The following TRAPPC10 variants were observed in gnomAD, a reference collection of about 807,000 sequenced individuals.
TRAPPC10 encodes the protein trafficking protein particle complex subunit 10, also known as TRAPP 130 kDa subunit.
In TRAPPC10, 23 loss-of-function variants were observed where a neutral mutation model predicts 125.5. That is an observed-to-expected ratio of 0.18 (90% CI 0.13 to 0.26). The LOEUF (loss-of-function observed/expected upper bound fraction) is 0.26, where lower values mean the gene tolerates loss of function less well. TRAPPC10 is among the 10% of genes least tolerant of loss of function. The pLI is 1.00. For synonymous variants in TRAPPC10, 509 were observed against 518.0 expected (o/e 0.98, Z 0.24); for missense variants, 1,123 against 1,308.4 (o/e 0.86, Z 2.19).
chr21:44,087,664 A>G lies in TRAPPC10; in HGVS notation c.2540-35A>G. 6.3e-7 allele frequency: 1 copy of G among 1,586,076 alleles called. No homozygotes were observed. The highest frequency in any genetic ancestry group is 8.6e-7 in the Non-Finnish European group (1 of 1,160,672). On this transcript the variant is annotated intron_variant, in intron 16 of 22. Transcript: ENST00000291574. This position sits in a 1 kb window ranked among gnomAD's most constrained non-coding sequence, Gnocchi z 4.6. ...GGAAAAGGACAAGTGAAACCGAGGG[A>G]ACAGCTTTGAAGTGACTTTTTCTGT...
rs554285127 is a variant in TRAPPC10, at chr21:44,029,345, C to T, written c.68-2746C>T. Among the ~76,000 whole-genome samples the T allele has an allele frequency of 7.2e-5, 11 of 152,208 alleles. 1 individual carries two copies. Among genetic ancestry groups the T allele is most frequent in the South Asian group, 2.1e-4 (1 of 4,830 alleles). ...ACTTGACCTTGTGATCCACCCACCT[C>T]GGCCTCCCAATCTGCTGGGATTACA... On this transcript the variant is annotated intron_variant, in intron 1 of 22. Coordinates refer to ENST00000291574, the MANE Select transcript of TRAPPC10 (RefSeq NM_003274.5).
At chr21:44,065,844 T>C (rs1477836805) in intron 7 of TRAPPC10, among the ~76,000 whole-genome samples, 1 of 152,218 alleles carries the variant, frequency 6.6e-6, no homozygotes, top group Non-Finnish European at 1.5e-5. Context: ...GAAGTGTTTC[T>C]CTTTCTCTCC....
At chr21:44,035,647 C>T (rs1369620221) in intron 2 of TRAPPC10, among the ~76,000 whole-genome samples, 1 of 152,070 alleles carries the variant, frequency 6.6e-6, no homozygotes, top group South Asian at 2.1e-4. Flanking sequence ...CATGGTGGCA[C>T]ACGCCTGTAA....
chr21:44,083,214 G>A lies in TRAPPC10; in HGVS notation c.2150G>A (p.Gly717Glu), dbSNP rs748607445. The change falls in exon 14 of 23, where the codon GGG becomes GAG. Residue 717 changes from glycine to glutamate, a missense_variant. Gly to Glu is a moderately conservative substitution (Grantham distance 98). Around this residue, in one of 4 missense-constraint regions of TRAPPC10, gnomAD observed 840 missense variants for 902.0 expected, o/e 0.93. Coordinates refer to ENST00000291574, the MANE Select transcript of TRAPPC10 (RefSeq NM_003274.5). ...AGCTCCTCTCTAGAGATGCCCTCAG[G>A]GGTGGCTCTGGAGGAGGGTGCCCAC... ...ESSSSLEMPS[G>E]VALEEGAHVL... The A allele has an allele frequency of 6.2e-7, 1 of 1,614,124 alleles. No homozygotes were observed. The highest frequency in any genetic ancestry group is 1.1e-5 in the South Asian group (1 of 91,066).
rs2036192826 is a variant in TRAPPC10 at position 44,063,316 on chromosome 21, G to T, written c.791-222G>T. 8.6e-7 allele frequency: 1 copy of T among 1,168,806 alleles called. No homozygotes were observed. The highest frequency in any genetic ancestry group is 1.6e-5 in the African/African-American group (1 of 64,402). The allele number at this position is 1,168,806 out of a possible 1,614,324, so 72.4% of individuals were successfully genotyped here. A position where few individuals can be genotyped will look rare whatever the true frequency, so the allele number is the denominator to read the frequency against. On this transcript the variant is annotated intron_variant, in intron 6 of 22. Coordinates refer to ENST00000291574, the MANE Select transcript of TRAPPC10 (RefSeq NM_003274.5). This position sits in a 1 kb window ranked among gnomAD's most constrained non-coding sequence, Gnocchi z 4.4. ...TCAGCTCCCGCCCATGACTTTCTGG[G>T]CATGGTAGGGTGGTGTGCCTTGTTG...
At chr21:44,062,730 G>C in intron 6 of TRAPPC10, 3 of 985,422 alleles carry the variant, frequency 3.0e-6, no homozygotes, top group Non-Finnish European at 3.6e-6. Context: ...TGGGCTGGCA[G>C]GTCCACACCA....
Position 44,022,475 on chromosome 21 carries a change from T to A in TRAPPC10, c.68-9616T>A, listed in dbSNP as rs2032626360. On this transcript the variant is annotated intron_variant, in intron 1 of 22. Coordinates refer to ENST00000291574, the MANE Select transcript of TRAPPC10 (RefSeq NM_003274.5). The stretch of plus-strand genomic sequence containing the variant: ...ATTTTTTTTTTTTTTTTTTTTTTTT[T>A]ACAAAGACGGGGTTTGTTAGTAGAG... Among the ~76,000 whole-genome samples, 10 of 143,562 alleles carry A rather than the reference T, an allele frequency of 7.0e-5. No homozygotes were observed. The South Asian group carries it at 2.0e-3, about 29-fold the overall frequency. 94.2% of individuals were successfully genotyped at this position (143,562 alleles called of 152,430 possible).
At chr21:44,079,318 A>G (rs1429890858) in intron 11 of TRAPPC10, among the ~76,000 whole-genome samples, 3 of 152,146 alleles carry the variant, frequency 2.0e-5, no homozygotes, top group African/African-American at 7.2e-5. Context: ...AAGCCAGACC[A>G]ACGATGTGTT....
At chr21:44,066,320 G>T (rs2036448699) in intron 7 of TRAPPC10, among the ~76,000 whole-genome samples, 2 of 152,232 alleles carry the variant, frequency 1.3e-5, no homozygotes, top group African/African-American at 4.8e-5. Flanking sequence ...GGCTGAGGAG[G>T]GGAGCAAGAC....
chr21:44,084,575 A>G (rs950420097), intron 15 of TRAPPC10, among the ~76,000 whole-genome samples: 1 of 152,228 alleles, frequency 6.6e-6, no homozygotes, highest in South Asian at 2.1e-4. Flanking sequence ...ACTCAACCTA[A>G]TGGTCAATGC....
At chr21:44,035,408 C>G (rs185874451) in intron 2 of TRAPPC10, among the ~76,000 whole-genome samples, 225 of 152,210 alleles carry the variant, frequency 1.5e-3, no homozygotes, top group Non-Finnish European at 2.6e-3. Flanking sequence ...AGAAAACATA[C>G]CAAGACATGG....
At position 44,047,532 on chromosome 21, in the gene TRAPPC10, ATGTGTGTGTG is replaced by A. The variant is rs33940679; in HGVS notation, c.286-4723_286-4714del. ...TCTGTTGCACCCTCTCTGGGGGAGT[ATGTGTGTGTG>A]TGTGTGTGTGTGTGTGTGTGTGTGC... On this transcript the variant is annotated intron_variant, in intron 3 of 22. Transcript: ENST00000291574. Among the ~76,000 whole-genome samples, 442 of 142,924 alleles carry A rather than the reference ATGTGTGTGTG, an allele frequency of 3.1e-3. 4 individuals carry two copies. Among genetic ancestry groups the A allele is most frequent in the Admixed American group, 5.1e-3 (74 of 14,526 alleles). 93.8% of individuals were successfully genotyped at this position (142,924 alleles called of 152,430 possible). A position where few individuals can be genotyped will look rare whatever the true frequency, so the allele number is the denominator to read the frequency against.
At chr21:44,041,202 G>C (rs888396845) in intron 3 of TRAPPC10, among the ~76,000 whole-genome samples, 2 of 152,092 alleles carry the variant, frequency 1.3e-5, no homozygotes, top group African/African-American at 4.8e-5. Context: ...TGGTCTCTAA[G>C]GTTTGGTGGA....
intron 3 of TRAPPC10, among the ~76,000 whole-genome samples, chr21:44,044,137 G>C (rs1210543590): frequency 1.3e-5 from 2 of 152,208 alleles, no homozygotes; most frequent in Non-Finnish European, 2.9e-5. Flanking sequence ...TAATTCATTT[G>C]AGAAGAATTT....
chr21:44,093,274 C>T (rs992204913), intron 19 of TRAPPC10, among the ~76,000 whole-genome samples: 3 of 151,554 alleles, frequency 2.0e-5, no homozygotes, highest in Non-Finnish European at 4.4e-5. Flanking sequence ...GCCTGAGCAA[C>T]GTGGCAAACC....
rs760857888 is a variant in TRAPPC10 at position 44,037,781 on chromosome 21, A to T, written c.150-11A>T. 1.9e-6 allele frequency: 3 copies of T among 1,608,464 alleles called. No homozygotes were observed. Among genetic ancestry groups the T allele is most frequent in the African/African-American group, 1.3e-5 (1 of 74,528 alleles). ...GTTGTTTTCTCAGTGACTTCAAACAATTGTTTACAGGTCCTATGGCCGGGC... is the reference window on the plus strand; with the variant it reads ...GTTGTTTTCTCAGTGACTTCAAACATTTGTTTACAGGTCCTATGGCCGGGC... On this transcript the variant is annotated splice_polypyrimidine_tract_variant and intron_variant, in intron 2 of 22. Coordinates refer to ENST00000291574, the MANE Select transcript of TRAPPC10 (RefSeq NM_003274.5).
chr21:44,093,957 G>T (rs1037065033), intron 19 of TRAPPC10, 106 bp from the exon 20 acceptor site: 4 of 1,209,550 alleles, frequency 3.3e-6, no homozygotes, highest in Non-Finnish European at 4.6e-6. Context: ...GCCTGCCCAT[G>T]GTGTCTGCTC....
chr21:44,060,683 C>CT (rs1352446953), intron 6 of TRAPPC10, among the ~76,000 whole-genome samples: 3 of 151,872 alleles, frequency 2.0e-5, no homozygotes, highest in Admixed American at 6.6e-5. Context: ...CCACTGCAAC[C>CT]TCTGCCTCCA....
chr21:44,075,697 G>A (rs1008432029), intron 9 of TRAPPC10, among the ~76,000 whole-genome samples: 7 of 152,084 alleles, frequency 4.6e-5, no homozygotes, highest in African/African-American at 1.4e-4. Flanking sequence ...TATTGCCCAG[G>A]CTGGTCTCAA....
Sources: gnomAD v4.1 joint callset for allele counts (sites outside exome capture counted in the v4.1 genomes callset) on GRCh38, gnomAD v4.1.1 for gene constraint, gnomAD v4.1.1 regional missense constraint, Gnocchi (gnomAD v3.1) non-coding constraint, MANE v1.5 for transcripts, NCBI Gene and HGNC (gene_info 2026-07-23, HGNC 2026-07-21) for gene names.